FAM107B: variants seen among roughly 807,000 people sequenced by gnomAD.
The protein encoded by FAM107B is family with sequence similarity 107 member B.
In FAM107B, 21 loss-of-function variants were observed where a neutral mutation model predicts 31.5. The observed-to-expected ratio is 0.67, with a 90% confidence interval of 0.47 to 0.96. The LOEUF (loss-of-function observed/expected upper bound fraction) is 0.96, where lower values mean the gene tolerates loss of function less well. Ranked by LOEUF, FAM107B falls within the 40% of genes least tolerant of loss-of-function variation. The pLI, the probability that FAM107B is intolerant of heterozygous loss-of-function variation, is 0.00. For missense variants in FAM107B, 452 were observed against 377.1 expected (o/e 1.20, Z -1.64); for synonymous variants, 157 against 141.5 (o/e 1.11, Z -0.78).
chr10:14,624,482 A>G (rs1853101531), intron 2 of FAM107B, among the ~76,000 whole-genome samples: 4 of 152,260 alleles, frequency 2.6e-5, no homozygotes, highest in African/African-American at 9.6e-5. Flanking sequence ...CTAAAAATAC[A>G]AAAATACGCC....
chr10:14,546,086 G>A (rs1213534974), intron 2 of FAM107B, among the ~76,000 whole-genome samples: 1 of 152,194 alleles, frequency 6.6e-6, no homozygotes, highest in Non-Finnish European at 1.5e-5. Context: ...ACTTTCAAAA[G>A]AAGAGACTAT....
chr10:14,708,592 C>A (rs1162381025), intron 1 of FAM107B, among the ~76,000 whole-genome samples: 1 of 151,868 alleles, frequency 6.6e-6, no homozygotes, highest in African/African-American at 2.4e-5. Context: ...AGCATGGGAT[C>A]TTAACCCAGT....
chr10:14,575,477 A>G (rs143382401), intron 2 of FAM107B, among the ~76,000 whole-genome samples: 1 of 152,312 alleles, frequency 6.6e-6, no homozygotes, highest in African/African-American at 2.4e-5. Context: ...TGCTGGGATT[A>G]CAGGTATGAG....
intron 2 of FAM107B, among the ~76,000 whole-genome samples, chr10:14,630,594 TG>T (rs1487511137): frequency 1.3e-5 from 2 of 152,030 alleles, no homozygotes; most frequent in Non-Finnish European, 2.9e-5. Flanking sequence ...GAGGCTGAGG[TG>T]GGAGGATCGC....
At chr10:14,582,375 C>CTTTTTT (rs71388188) in intron 2 of FAM107B, among the ~76,000 whole-genome samples, 75 of 112,064 alleles carry the variant, frequency 6.7e-4, no homozygotes, top group Middle Eastern at 6.3e-3. Context: ...TTTTTCTTTT[C>CTTTTTT]TTTTTTTTTT....
rs138475523 is a variant in FAM107B, at chr10:14,548,066, C to A, written c.470-17551G>T. Among the ~76,000 whole-genome samples the A allele has an allele frequency of 6.3e-4, 96 of 152,328 alleles. 1 individual carries two copies. The East Asian group carries it at 0.017, about 27-fold the overall frequency. On this transcript the variant is annotated intron_variant, in intron 2 of 4. Transcript: ENST00000181796. ...ATACGCAGGCTTCGCAGGGAGGACA[C>A]CAAAAACAAGAAAGGAGTAAAGCAA...
intron 1 of FAM107B, among the ~76,000 whole-genome samples, chr10:14,732,212 T>C (rs1017678127): frequency 2.0e-5 from 3 of 152,250 alleles, no homozygotes; most frequent in African/African-American, 7.2e-5. Flanking sequence ...GCTATCTCTC[T>C]GCACAGACAT....
intron 2 of FAM107B, among the ~76,000 whole-genome samples, chr10:14,620,890 T>C (rs72768970): frequency 0.015 from 2,307 of 152,366 alleles, 24 homozygotes; most frequent in Non-Finnish European, 0.026. Context: ...CTTTCCAGCA[T>C]ACAAACCTTA....
chr10:14,585,413 C>T (rs1371098293), intron 2 of FAM107B, among the ~76,000 whole-genome samples: 1 of 152,010 alleles, frequency 6.6e-6, no homozygotes, highest in Non-Finnish European at 1.5e-5. Flanking sequence ...AATCCTCTCC[C>T]TCCTCTCTTC....
chr10:14,764,773 C>G lies in FAM107B; in HGVS notation c.411+9480G>C, dbSNP rs1588765548. On this transcript the variant is annotated intron_variant, in intron 1 of 4. Coordinates refer to ENST00000181796, the MANE Select transcript of FAM107B (RefSeq NM_031453.4). ...TAGACCGTAAGACATTTTAAAGTTT[C>G]CAACATACCCAGTGAGTGGAATAGT... Among the ~76,000 whole-genome samples, 2 of 152,172 alleles carry G rather than the reference C, an allele frequency of 1.3e-5. 1 individual carries two copies. Among genetic ancestry groups the G allele is most frequent in the East Asian group, 3.8e-4 (2 of 5,202 alleles).
At chr10:14,765,000 A>T (rs968226281) in intron 1 of FAM107B, among the ~76,000 whole-genome samples, 4 of 152,200 alleles carry the variant, frequency 2.6e-5, no homozygotes, top group Non-Finnish European at 4.4e-5. Context: ...TACCTGTGAA[A>T]ATTGAAGGCA....
chr10:14,705,061 TA>T (rs1855490011), intron 1 of FAM107B, among the ~76,000 whole-genome samples: 1 of 135,772 alleles, frequency 7.4e-6, no homozygotes, highest in Non-Finnish European at 1.6e-5. Context: ...AGGACTTGAA[TA>T]AACATTTCTC....
intron 2 of FAM107B, among the ~76,000 whole-genome samples, chr10:14,628,898 A>G (rs887043419): frequency 1.3e-5 from 2 of 152,072 alleles, no homozygotes; most frequent in African/African-American, 4.8e-5. Context: ...ACAATTTGGT[A>G]TGACTAATAG....
At chr10:14,583,893 C>G (rs939223764) in intron 2 of FAM107B, among the ~76,000 whole-genome samples, 1 of 152,154 alleles carries the variant, frequency 6.6e-6, no homozygotes, top group Non-Finnish European at 1.5e-5. Context: ...AAGTACAAAA[C>G]GACACTCTCC....
At chr10:14,539,824 C>T (rs188809885) in intron 2 of FAM107B, among the ~76,000 whole-genome samples, 176 of 152,248 alleles carry the variant, frequency 1.2e-3, no homozygotes, top group African/African-American at 4.1e-3. Flanking sequence ...CCTAGGACTG[C>T]AGATAAGACA....
chr10:14,618,447 T>C (rs1317447701), intron 2 of FAM107B, among the ~76,000 whole-genome samples: 1 of 152,108 alleles, frequency 6.6e-6, no homozygotes, highest in Non-Finnish European at 1.5e-5. Flanking sequence ...TCGGGTTGTA[T>C]GGTATTATGG....
chr10:14,679,137 C>CTT (rs5783418), intron 1 of FAM107B, among the ~76,000 whole-genome samples: 19 of 150,846 alleles, frequency 1.3e-4, no homozygotes, highest in African/African-American at 4.1e-4. Context: ...ATTTGTTTTC[C>CTT]TTTTTTTTTG....
intron 2 of FAM107B, among the ~76,000 whole-genome samples, chr10:14,539,468 A>G (rs1009827389): frequency 6.6e-6 from 1 of 152,222 alleles, no homozygotes; most frequent in Non-Finnish European, 1.5e-5. Context: ...GTCCAAATAT[A>G]TCATGATCAA....
chr10:14,599,483 T>C (rs575913653), intron 2 of FAM107B, among the ~76,000 whole-genome samples: 2 of 152,224 alleles, frequency 1.3e-5, no homozygotes, highest in South Asian at 2.1e-4. Context: ...GGGCCTGTTT[T>C]AGGACTATTC....
Sources: gnomAD v4.1 joint callset for allele counts (sites outside exome capture counted in the v4.1 genomes callset) on GRCh38, gnomAD v4.1.1 for gene constraint, MANE v1.5 for transcripts, NCBI Gene and HGNC (gene_info 2026-07-23, HGNC 2026-07-21) for gene names.